The following ZNF536 variants were observed in gnomAD, a reference collection of about 807,000 sequenced individuals.
ZNF536 encodes the protein zinc finger protein 536.
In ZNF536, 13 loss-of-function variants were observed where a neutral mutation model predicts 84.5. The ratio of observed to expected loss-of-function variants is 0.15; its 90% CI spans 0.10 to 0.24. ZNF536 has a LOEUF of 0.24. ZNF536 is among the 10% of genes least tolerant of loss of function. ZNF536 has a pLI of 1.00. For synonymous variants in ZNF536, 811 were observed against 742.5 expected (o/e 1.09, Z -1.50); for missense variants, 1,536 against 1,747.5 (o/e 0.88, Z 2.16).
At chr19:30,350,411 C>T (rs2047895853) in intron 2 of ZNF536, among the ~76,000 whole-genome samples, 1 of 152,182 alleles carries the variant, frequency 6.6e-6, no homozygotes, top group Non-Finnish European at 1.5e-5. Flanking sequence ...GCAGACAAAC[C>T]TACTCACCAG....
chr19:30,522,269 A>AT (rs1418909477), intron 2 of ZNF536, among the ~76,000 whole-genome samples: 1 of 9,566 alleles, frequency 1.0e-4, no homozygotes, highest in Non-Finnish European at 5.6e-4. Flanking sequence ...ATACATATAT[A>AT]TATACATATA....
intron 1 of ZNF536, among the ~76,000 whole-genome samples, chr19:30,243,613 T>C (rs899977798): frequency 5.9e-5 from 9 of 152,230 alleles, no homozygotes; most frequent in East Asian, 1.9e-4. Flanking sequence ...GAAAAAATTA[T>C]ATTTTTCCCC....
chr19:30,691,216 C>A (rs765017949), intron 1 of ZNF536, among the ~76,000 whole-genome samples: 2 of 152,058 alleles, frequency 1.3e-5, no homozygotes, highest in South Asian at 2.1e-4. Flanking sequence ...CTGTATTAAC[C>A]GTGAGGTCTG....
At chr19:30,353,542 G>A (rs1019871249) in intron 3 of ZNF536, among the ~76,000 whole-genome samples, 39 of 152,064 alleles carry the variant, frequency 2.6e-4, no homozygotes, top group African/African-American at 1.7e-4. Flanking sequence ...CCCTGGCACC[G>A]GTGACTTCTC....
At chr19:30,416,557 G>A (rs1401470043) in intron 1 of ZNF536, among the ~76,000 whole-genome samples, 1 of 152,080 alleles carries the variant, frequency 6.6e-6, no homozygotes, top group Admixed American at 6.5e-5. Context: ...AGTGTGGGGT[G>A]TGTGGGCAGG....
chr19:30,422,012 A>T (rs2050981143), intron 1 of ZNF536, among the ~76,000 whole-genome samples: 1 of 152,226 alleles, frequency 6.6e-6, no homozygotes, highest in Admixed American at 6.5e-5. Flanking sequence ...GAATTAATTA[A>T]AAAAATATTA....
At chr19:30,291,238 T>G (rs576281170) in intron 2 of ZNF536, among the ~76,000 whole-genome samples, 1 of 152,278 alleles carries the variant, frequency 6.6e-6, no homozygotes, top group Admixed American at 6.5e-5. Flanking sequence ...GTATTTCTGG[T>G]TTTAGATCCT....
chr19:30,269,437 A>C (rs1599972071), intron 1 of ZNF536, among the ~76,000 whole-genome samples: 1 of 152,112 alleles, frequency 6.6e-6, no homozygotes, highest in East Asian at 1.9e-4. Flanking sequence ...AGAATCCTAC[A>C]ATTTGTGGAT....
intron 1 of ZNF536, among the ~76,000 whole-genome samples, chr19:30,706,661 G>A (rs917580541): frequency 6.6e-6 from 1 of 152,040 alleles, no homozygotes. Flanking sequence ...TGGTACCAAG[G>A]GTTTTGGTTT....
Position 30,572,427 on chromosome 19 carries a change from C to T in ZNF536, c.169+22913C>T, listed in dbSNP as rs550118632. On this transcript the variant is annotated intron_variant, in intron 1 of 1. Coordinates refer to the ZNF536 transcript ENST00000592773. ...GGGGGCAGATCTTGTGCTGTGTGGA[C>T]GGCCATTCTGGAAACACTGTGACCC... 3.4e-4 allele frequency among the ~76,000 whole-genome samples: 52 copies of T among 152,238 alleles called. No individual in the cohort carries two copies. The South Asian group carries it at 6.4e-3, about 19-fold the overall frequency.
At chr19:30,676,075 G>T (rs995973960) in intron 1 of ZNF536, among the ~76,000 whole-genome samples, 1 of 152,074 alleles carries the variant, frequency 6.6e-6, no homozygotes, top group African/African-American at 2.4e-5. Context: ...TGCCCAGGCT[G>T]GTCTTGAACT....
chr19:30,534,913 T>C lies in ZNF536; in HGVS notation c.2237T>C (p.Leu746Pro). 1 of 1,613,992 alleles carries C rather than the reference T, an allele frequency of 6.2e-7. No homozygotes were observed. Among genetic ancestry groups the C allele is most frequent in the Non-Finnish European group, 8.5e-7 (1 of 1,179,914 alleles). ...QQPALLRDRSLGSAMKDCPYC... is the reference protein window; with the variant it reads ...QQPALLRDRSPGSAMKDCPYC... The stretch of plus-strand genomic sequence containing the variant: ...CCAGCGCTGCTTCGCGACAGAAGCC[T>C]GGGCTCGGCCATGAAGGACTGCCCG... The change falls in exon 3 of 5, where the codon CTG becomes CCG. Residue 746 changes from leucine to proline, a missense_variant. Leu to Pro is a moderately conservative substitution (Grantham distance 98, BLOSUM62 -3). Around this residue, in one of 8 missense-constraint regions of ZNF536, gnomAD observed 148 missense variants for 205.4 expected, o/e 0.72. Transcript: ENST00000355537.
At chr19:30,434,971 T>C (rs1600715123) in intron 1 of ZNF536, among the ~76,000 whole-genome samples, 1 of 152,102 alleles carries the variant, frequency 6.6e-6, no homozygotes, top group East Asian at 1.9e-4. Context: ...ATGATACTGG[T>C]GATGATGATC....
chr19:30,662,379 G>A (rs1476252620), intron 1 of ZNF536, among the ~76,000 whole-genome samples: 1 of 152,156 alleles, frequency 6.6e-6, no homozygotes, highest in Non-Finnish European at 1.5e-5. Context: ...CAGTCATTTT[G>A]CACATTCCGA....
chr19:30,331,375 A>G (rs1169160808), intron 2 of ZNF536, among the ~76,000 whole-genome samples: 1 of 150,056 alleles, frequency 6.7e-6, no homozygotes, highest in Non-Finnish European at 1.5e-5. Context: ...TAATTACTGA[A>G]TACTATAAAT....
intron 1 of ZNF536, among the ~76,000 whole-genome samples, chr19:30,429,178 G>C (rs10421621): frequency 0.61 from 92,556 of 151,970 alleles, 28,479 homozygotes; most frequent in African/African-American, 0.66. Flanking sequence ...GGGAGAGGAG[G>C]TCAGTGCACC....
chr19:30,282,512 T>C (rs1188873756), intron 1 of ZNF536, among the ~76,000 whole-genome samples: 1 of 152,226 alleles, frequency 6.6e-6, no homozygotes, highest in Admixed American at 6.5e-5. Context: ...CATTGGAATT[T>C]ACAGGGCCTC....
In ZNF536 at chr19:30,354,383, G is replaced by T. The variant is rs141559344; in HGVS notation, c.-3+1899G>T. ...TTATTTTATTGATGTATTTATTTTC[G>T]TAGAGATGGGGTCTTGCTCTGTCAC... On this transcript the variant is annotated intron_variant, in intron 3 of 5. Coordinates refer to the ZNF536 transcript ENST00000585628. Among the ~76,000 whole-genome samples the T allele has an allele frequency of 1.4e-4, 21 of 152,208 alleles. 1 individual carries two copies. The South Asian group carries it at 4.1e-3, about 30-fold the overall frequency.
chr19:30,646,689 G>A (rs975849550), intron 1 of ZNF536, among the ~76,000 whole-genome samples: 1 of 152,064 alleles, frequency 6.6e-6, no homozygotes, highest in African/African-American at 2.4e-5. Context: ...CCTTTTGGTC[G>A]CAGTCTCGTA....
Sources: allele counts gnomAD v4.1 joint callset (sites outside exome capture counted in the v4.1 genomes callset), GRCh38; gene constraint gnomAD v4.1.1; regional missense constraint gnomAD v4.1.1; transcripts MANE v1.5; gene names NCBI Gene and HGNC (gene_info 2026-07-23, HGNC 2026-07-21).